The following DIAPH3 variants were observed in gnomAD, a reference collection of about 807,000 sequenced individuals.
DIAPH3 encodes protein diaphanous homolog 3.
DIAPH3 carries 117 observed loss-of-function variants against 144.3 expected under a neutral mutation model. The ratio of observed to expected loss-of-function variants is 0.81; its 90% CI spans 0.70 to 0.95. The LOEUF is 0.95. DIAPH3 is among the 40% of genes least tolerant of loss of function. DIAPH3 has a pLI of 0.00. For synonymous variants in DIAPH3, 519 were observed against 488.9 expected, an observed-to-expected ratio of 1.06 and a Z score of -0.81; for missense variants, 1,421 against 1,412.7, an observed-to-expected ratio of 1.01 and a Z score of -0.09.
intron 5 of DIAPH3, among the ~76,000 whole-genome samples, chr13:60,036,019 T>C (rs1027617246): frequency 2.6e-5 from 4 of 152,126 alleles, no homozygotes; most frequent in Admixed American, 6.6e-5. Flanking sequence ...CACCTCTCCT[T>C]TTCTATTCCT....
intron 4 of DIAPH3, among the ~76,000 whole-genome samples, chr13:60,065,914 G>T (rs1405755534): frequency 1.3e-5 from 2 of 152,044 alleles, no homozygotes; most frequent in African/African-American, 2.4e-5. Context: ...TGTTTTGGAT[G>T]ATATATTTCA....
intron 27 of DIAPH3, among the ~76,000 whole-genome samples, chr13:59,686,698 C>T (rs1010640569): frequency 3.3e-5 from 5 of 151,904 alleles, no homozygotes; most frequent in East Asian, 1.9e-4. Context: ...GAAAGTTTTG[C>T]GGGAGAATAG....
At chr13:59,803,898 TC>T (rs1479361337) in intron 25 of DIAPH3, among the ~76,000 whole-genome samples, 1 of 152,198 alleles carries the variant, frequency 6.6e-6, no homozygotes, top group Non-Finnish European at 1.5e-5. Context: ...AATTTCAGTT[TC>T]TTAATACCAT....
chr13:59,720,607 C>T (rs1593666331), intron 27 of DIAPH3, among the ~76,000 whole-genome samples: 1 of 152,082 alleles, frequency 6.6e-6, no homozygotes, highest in Non-Finnish European at 1.5e-5. Context: ...GTGGCTGGTG[C>T]TTGTAAATGA....
chr13:59,797,223 T>C (rs752938369), intron 25 of DIAPH3, among the ~76,000 whole-genome samples: 7 of 152,214 alleles, frequency 4.6e-5, no homozygotes, highest in Non-Finnish European at 7.3e-5. Flanking sequence ...TGTGGACTTC[T>C]AATGCTGTTT....
rs1566290888 is a variant in DIAPH3, at chr13:59,774,840, A to G, written c.3164-17T>C. 1 of 1,603,686 alleles carries G rather than the reference A, an allele frequency of 6.2e-7. No homozygotes were observed. The highest frequency in any genetic ancestry group is 8.5e-7 in the Non-Finnish European group (1 of 1,170,470). On this transcript the variant is annotated splice_polypyrimidine_tract_variant and intron_variant, in intron 25 of 27. Transcript: ENST00000400324. Reference sequence around the variant, plus strand: ...CATCACCCTCTGTGAAAAGAGATGCAGGGAATTCCATCAGCCCTCAGGGTT... The same window carrying G: ...CATCACCCTCTGTGAAAAGAGATGCGGGGAATTCCATCAGCCCTCAGGGTT...
intron 27 of DIAPH3, among the ~76,000 whole-genome samples, chr13:59,692,171 G>GAATAC (rs2033564961): frequency 1.7e-5 from 1 of 57,808 alleles, no homozygotes; most frequent in African/African-American, 6.4e-5. Flanking sequence ...TTTTAGAAAA[G>GAATAC]AATACAAACT....
At position 60,084,569 on chromosome 13, in the gene DIAPH3, C is replaced by G. The variant is rs2057687461; in HGVS notation, c.495+9059G>C. ...AAAAATGCAGAAAAAAGGTTTTAAA[C>G]TCACCAAAGTAGCACAAAGCAGTTT... On this transcript the variant is annotated intron_variant, in intron 4 of 27. Transcript: ENST00000400324. Among the ~76,000 whole-genome samples the G allele has an allele frequency of 2.0e-5, 3 of 151,796 alleles. No individual in the cohort carries two copies. In the South Asian group the frequency reaches 6.2e-4, roughly 32 times the overall value.
chr13:59,769,222 T>C (rs545515083), intron 27 of DIAPH3, among the ~76,000 whole-genome samples: 3 of 152,256 alleles, frequency 2.0e-5, no homozygotes, highest in East Asian at 1.9e-4. Flanking sequence ...TAGGAATTAA[T>C]GTATCCTGAA....
chr13:60,083,575 G>T (rs115055749), intron 4 of DIAPH3, among the ~76,000 whole-genome samples: 1 of 151,876 alleles, frequency 6.6e-6, no homozygotes, highest in Non-Finnish European at 1.5e-5. Flanking sequence ...ACACACATCA[G>T]CAAAATTCAG....
At chr13:59,809,490 G>A (rs2040364022) in intron 25 of DIAPH3, among the ~76,000 whole-genome samples, 2 of 127,852 alleles carry the variant, frequency 1.6e-5, no homozygotes, top group Admixed American at 8.4e-5. Flanking sequence ...CAAGAAGAGC[G>A]AAACTCCATC....
At chr13:59,888,498 T>G (rs553369296) in intron 20 of DIAPH3, among the ~76,000 whole-genome samples, 11 of 152,258 alleles carry the variant, frequency 7.2e-5, no homozygotes, top group African/African-American at 2.4e-4. Context: ...TTTTTAGTAT[T>G]CTATTTCGTC....
At chr13:59,743,507 GA>G (rs2036564656) in intron 27 of DIAPH3, among the ~76,000 whole-genome samples, 1 of 152,126 alleles carries the variant, frequency 6.6e-6, no homozygotes, top group South Asian at 2.1e-4. Context: ...CCCAAGGAGA[GA>G]ATGCTCTCAC....
intron 2 of DIAPH3, among the ~76,000 whole-genome samples, chr13:60,131,276 A>G (rs1469020028): frequency 6.6e-6 from 1 of 151,700 alleles, no homozygotes; most frequent in Non-Finnish European, 1.5e-5. Flanking sequence ...AAAAAATTAA[A>G]AACTTCAAAA....
chr13:59,906,637 A>G (rs915977780), intron 20 of DIAPH3, among the ~76,000 whole-genome samples: 2 of 152,220 alleles, frequency 1.3e-5, no homozygotes. Context: ...AAATGGTGGT[A>G]GATCAAAATA....
At chr13:59,765,720 A>G (rs2037832745) in intron 27 of DIAPH3, among the ~76,000 whole-genome samples, 1 of 152,146 alleles carries the variant, frequency 6.6e-6, no homozygotes, top group African/African-American at 2.4e-5. Context: ...TTTTTTTTAA[A>G]TACCTACTAT....
chr13:60,160,945 T>A (rs576182965), intron 1 of DIAPH3, among the ~76,000 whole-genome samples: 1 of 152,322 alleles, frequency 6.6e-6, no homozygotes, highest in South Asian at 2.1e-4. Context: ...AGCCCGCAAC[T>A]ATACATTTGG....
At chr13:60,158,649 A>C (rs1952136517) in intron 1 of DIAPH3, among the ~76,000 whole-genome samples, 1 of 152,152 alleles carries the variant, frequency 6.6e-6, no homozygotes, top group African/African-American at 2.4e-5. Context: ...AAAGGGGAGA[A>C]GCAGCCACAT....
chr13:59,695,583 A>G (rs1320906104), intron 27 of DIAPH3: 1 of 152,212 alleles, frequency 6.6e-6, no homozygotes, highest in East Asian at 1.9e-4. Flanking sequence ...AAACTGTAAA[A>G]GCAACATTCT....
Sources: gnomAD v4.1 joint callset for allele counts (sites outside exome capture counted in the v4.1 genomes callset) on GRCh38, gnomAD v4.1.1 for gene constraint, MANE v1.5 for transcripts, NCBI Gene and HGNC (gene_info 2026-07-23, HGNC 2026-07-21) for gene names.